The following ETF1 variants were observed in gnomAD, a reference collection of about 807,000 sequenced individuals.
ETF1 encodes eukaryotic translation termination factor 1.
ETF1 carries 4 observed loss-of-function variants against 55.1 expected under a neutral mutation model. The ratio of observed to expected loss-of-function variants is 0.07; its 90% CI spans 0.04 to 0.17. The LOEUF is 0.17. Among genes scored for constraint, ETF1 ranks in the 10% least tolerant of loss-of-function variants. The pLI is 1.00. For synonymous variants in ETF1, 157 were observed against 182.3 expected, an observed-to-expected ratio of 0.86 and a Z score of 1.12; for missense variants, 142 against 523.6, an observed-to-expected ratio of 0.27 and a Z score of 7.11.
At chr5:138,521,536 A>T (rs1029551578) in intron 2 of ETF1, among the ~76,000 whole-genome samples, 2 of 151,808 alleles carry the variant, frequency 1.3e-5, no homozygotes, top group African/African-American at 4.8e-5. Context: ...TTATTTATTT[A>T]TTTTTTTTAG....
rs1208079542 is a variant in ETF1 at position 138,508,298 on chromosome 5, C to T, written c.*7G>A. ...GAGGCACGTTTTGCCGGACCCATGT[C>T]GACTACCTAGTAGTCATCAAGGTCA... is the stretch of plus-strand genomic sequence containing the variant. On this transcript the variant is annotated 3_prime_UTR_variant, in exon 11 of 11. Transcript: ENST00000360541. 8 of 1,612,266 alleles carry T rather than the reference C, an allele frequency of 5.0e-6. No individual in the cohort carries two copies. The Admixed American group carries it at 5.0e-5, about 10-fold the overall frequency.
At chr5:138,512,258 A>ATATATATT (rs1484458741) in intron 6 of ETF1, among the ~76,000 whole-genome samples, 4 of 20,018 alleles carry the variant, frequency 2.0e-4, no homozygotes, top group Admixed American at 8.7e-4. Context: ...ATATATATAT[A>ATATATATT]TTTTTTTTTT....
At chr5:138,519,954 T>A (rs1323423160) in intron 2 of ETF1, among the ~76,000 whole-genome samples, 1 of 149,248 alleles carries the variant, frequency 6.7e-6, no homozygotes. Context: ...TTTTTTCATA[T>A]GTTTATGGGG....
In ETF1 at chr5:138,523,393, G is replaced by C. The variant is rs187525457; in HGVS notation, c.87-4526C>G. 3.6e-4 allele frequency among the ~76,000 whole-genome samples: 55 copies of C among 152,160 alleles called. 1 individual carries two copies. Among genetic ancestry groups the C allele is most frequent in the Admixed American group, 3.5e-3 (54 of 15,264 alleles). ...AGGAAAAAACAAAAAAATTAGCCGAGCGTGGTGGCATGTGCCTGTAGTCCC... is the reference window on the plus strand; with the variant it reads ...AGGAAAAAACAAAAAAATTAGCCGACCGTGGTGGCATGTGCCTGTAGTCCC... On this transcript the variant is annotated intron_variant, in intron 2 of 10. Coordinates refer to ENST00000360541, the MANE Select transcript of ETF1 (RefSeq NM_004730.4).
rs1376609734 is a variant in ETF1, at chr5:138,506,693, T to C, written c.*1612A>G. On this transcript the variant is annotated 3_prime_UTR_variant, in exon 11 of 11. Transcript: ENST00000360541. The stretch of plus-strand genomic sequence containing the variant: ...ACAGTATTTGGACCTCAGAGTACAG[T>C]GTGAGAACCAGAAACTTTACATTTA... 2.6e-5 allele frequency: 4 copies of C among 152,628 alleles called. No homozygotes were observed. The highest frequency in any genetic ancestry group is 2.0e-4 in the Admixed American group (3 of 15,280). 9.5% of individuals were successfully genotyped at this position (152,628 alleles called of 1,614,324 possible).
chr5:138,531,908 G>A (rs113565428), intron 2 of ETF1, among the ~76,000 whole-genome samples: 2,585 of 152,244 alleles, frequency 0.017, 28 homozygotes, highest in Admixed American at 0.027. Flanking sequence ...TTAGCCGGGC[G>A]TGGTGGCGGG....
At chr5:138,529,464 T>C (rs957315153) in intron 2 of ETF1, 3 of 342,780 alleles carry the variant, frequency 8.8e-6, no homozygotes, top group East Asian at 1.7e-4. Context: ...CCTATACTCC[T>C]CTTCCGAAAT....
chr5:138,527,301 C>G (rs1395329321), intron 2 of ETF1, among the ~76,000 whole-genome samples: 1 of 152,092 alleles, frequency 6.6e-6, no homozygotes, highest in Non-Finnish European at 1.5e-5. Context: ...GCTATTTTCC[C>G]CAATAAATTA....
intron 4 of ETF1, among the ~76,000 whole-genome samples, chr5:138,514,845 T>C (rs1417513445): frequency 2.0e-5 from 3 of 152,184 alleles, no homozygotes; most frequent in Admixed American, 6.5e-5. Flanking sequence ...GGGACATACA[T>C]AGATAAGAGT....
At chr5:138,523,151 G>A (rs147645340) in intron 2 of ETF1, among the ~76,000 whole-genome samples, 361 of 151,862 alleles carry the variant, frequency 2.4e-3, no homozygotes, top group African/African-American at 8.4e-3. Flanking sequence ...GGCGGATCAC[G>A]AGGTCAAGAG....
intron 4 of ETF1, among the ~76,000 whole-genome samples, chr5:138,514,496 T>C (rs6861249): frequency 1.2e-3 from 186 of 152,228 alleles, no homozygotes; most frequent in African/African-American, 3.9e-3. Flanking sequence ...TGAGCCAAGA[T>C]TGTGCCAGTG....
chr5:138,506,520 G>C lies in ETF1; in HGVS notation c.*1785C>G, dbSNP rs1286325470. 1.3e-5 allele frequency: 2 copies of C among 152,656 alleles called. No individual in the cohort carries two copies. Among genetic ancestry groups the C allele is most frequent in the Non-Finnish European group, 2.9e-5 (2 of 68,044 alleles). The allele number at this position is 152,656 out of a possible 1,614,324, so 9.5% of individuals were successfully genotyped here. A position where few individuals can be genotyped will look rare whatever the true frequency, so the allele number is the denominator to read the frequency against. Reference sequence around the variant, plus strand: ...ACCCTAAGGTACTGCTGTGAAGAGAGCATGTTTGCTCGCTCTTGGGTGTTC... The same window carrying C: ...ACCCTAAGGTACTGCTGTGAAGAGACCATGTTTGCTCGCTCTTGGGTGTTC... On this transcript the variant is annotated 3_prime_UTR_variant, in exon 11 of 11. Coordinates refer to ENST00000360541, the MANE Select transcript of ETF1 (RefSeq NM_004730.4).
chr5:138,524,620 C>T (rs1192141921), intron 2 of ETF1, among the ~76,000 whole-genome samples: 2 of 148,904 alleles, frequency 1.3e-5, no homozygotes, highest in African/African-American at 4.9e-5. Context: ...GCTCTGTCAC[C>T]AGGCTGCAGT....
At chr5:138,525,267 C>T (rs1184803649) in intron 2 of ETF1, among the ~76,000 whole-genome samples, 1 of 151,982 alleles carries the variant, frequency 6.6e-6, no homozygotes, top group Non-Finnish European at 1.5e-5. Context: ...AAGCGATTCT[C>T]CTGCCTCAGC....
chr5:138,533,906 C>A lies in ETF1; in HGVS notation c.86+8927G>T, dbSNP rs1765807244. On this transcript the variant is annotated intron_variant, in intron 2 of 10. Transcript: ENST00000360541. The stretch of plus-strand genomic sequence containing the variant: ...ATCCTCACATTAATGCCACCCCACT[C>A]CCTCTGCTACTACCATCTATGAGGC... 2.0e-5 allele frequency among the ~76,000 whole-genome samples: 3 copies of A among 152,154 alleles called. No individual in the cohort carries two copies. The South Asian group carries it at 6.2e-4, about 32-fold the overall frequency.
At chr5:138,541,845 A>G in intron 2 of ETF1, 1 of 345,098 alleles carries the variant, frequency 2.9e-6, no homozygotes, top group South Asian at 5.1e-5. Context: ...AGAAACAGGA[A>G]TACCCCTGGC....
chr5:138,538,195 C>A (rs1309114212), intron 2 of ETF1, among the ~76,000 whole-genome samples: 3 of 138,622 alleles, frequency 2.2e-5, no homozygotes, highest in African/African-American at 5.6e-5. Context: ...CGGCCTGGGC[C>A]CCTATTATTT....
intron 2 of ETF1, among the ~76,000 whole-genome samples, chr5:138,521,630 G>A (rs768522140): frequency 5.9e-5 from 9 of 152,208 alleles, no homozygotes; most frequent in East Asian, 1.9e-4. Context: ...AGGTTCAAGC[G>A]ATTCTCCTGC....
chr5:138,517,378 A>T (rs572225506), intron 4 of ETF1, among the ~76,000 whole-genome samples, 183 bp downstream of exon 4: 1 of 136,316 alleles, frequency 7.3e-6, no homozygotes, highest in East Asian at 1.9e-4. Flanking sequence ...CTAAAAAAAA[A>T]ATAAAAAAAT....
Sources: gnomAD v4.1 joint callset for allele counts (sites outside exome capture counted in the v4.1 genomes callset) on GRCh38, gnomAD v4.1.1 for gene constraint, MANE v1.5 for transcripts, NCBI Gene and HGNC (gene_info 2026-07-23, HGNC 2026-07-21) for gene names.